MAP3K7CL: variants seen among roughly 807,000 people sequenced by gnomAD.
MAP3K7CL encodes MAP3K7 C-terminal-like protein.
In MAP3K7CL, 16 loss-of-function variants were observed where a neutral mutation model predicts 18.6. The observed-to-expected ratio is 0.86, with a 90% confidence interval of 0.58 to 1.31. The LOEUF (loss-of-function observed/expected upper bound fraction) is 1.31. MAP3K7CL is among the 50% of genes most tolerant of loss of function. The pLI, the probability that MAP3K7CL is intolerant of heterozygous loss-of-function variation, is 0.00. For missense variants in MAP3K7CL, 163 were observed against 174.4 expected (o/e 0.93, Z 0.37); for synonymous variants, 65 against 66.8 (o/e 0.97, Z 0.13).
At position 29,125,171 on chromosome 21, in the gene MAP3K7CL, C is replaced by T. The variant is rs149671270; in HGVS notation, c.371-24018C>T. On this transcript the variant is annotated intron_variant, in intron 4 of 6. Coordinates refer to the MAP3K7CL transcript ENST00000286791. ...CTGTTTTATTTCTGGCATTGTTGCACGTACTTGTATTGCTCTTTTAATTGT... is the reference window on the plus strand; with the variant it reads ...CTGTTTTATTTCTGGCATTGTTGCATGTACTTGTATTGCTCTTTTAATTGT... 3.3e-5 allele frequency among the ~76,000 whole-genome samples: 5 copies of T among 152,260 alleles called. No homozygotes were observed. The East Asian group carries it at 5.8e-4, about 18-fold the overall frequency.
chr21:29,113,707 A>T (rs1005464177), intron 4 of MAP3K7CL, among the ~76,000 whole-genome samples: 1 of 152,114 alleles, frequency 6.6e-6, no homozygotes, highest in East Asian at 1.9e-4. Flanking sequence ...TATTTTTAGT[A>T]GAGATGGGGT....
At chr21:29,147,412 A>C (rs1304304723) in intron 2 of MAP3K7CL, among the ~76,000 whole-genome samples, 2 of 151,862 alleles carry the variant, frequency 1.3e-5, no homozygotes, top group African/African-American at 2.4e-5. Context: ...ATATGTGTAC[A>C]GTATATGTAT....
At chr21:29,108,511 A>G (rs1234333711) in intron 4 of MAP3K7CL, among the ~76,000 whole-genome samples, 2 of 152,216 alleles carry the variant, frequency 1.3e-5, no homozygotes, top group Non-Finnish European at 2.9e-5. Flanking sequence ...ACATTATACC[A>G]GTTGGCATTC....
At chr21:29,166,296 A>T (rs977158973) in intron 4 of MAP3K7CL, among the ~76,000 whole-genome samples, 12 of 152,098 alleles carry the variant, frequency 7.9e-5, no homozygotes, top group Non-Finnish European at 1.8e-4. Context: ...ATTTAACATC[A>T]TGTCCTCCAG....
intron 4 of MAP3K7CL, among the ~76,000 whole-genome samples, chr21:29,104,850 G>T (rs149971202): frequency 2.0e-5 from 3 of 152,254 alleles, no homozygotes; most frequent in East Asian, 3.9e-4. Flanking sequence ...TATCCTTCCT[G>T]CAGTCTTTTC....
At chr21:29,123,055 C>CTTTTTTTTT (rs1166550061) in intron 4 of MAP3K7CL, among the ~76,000 whole-genome samples, 2 of 89,336 alleles carry the variant, frequency 2.2e-5, no homozygotes, top group Admixed American at 1.4e-4. Context: ...AAGAAATGAT[C>CTTTTTTTTT]TTTTTTTTTT....
chr21:29,123,406 T>G (rs556981185), intron 4 of MAP3K7CL, among the ~76,000 whole-genome samples: 6 of 152,120 alleles, frequency 3.9e-5, no homozygotes, highest in African/African-American at 1.4e-4. Flanking sequence ...GAAGTAGTCC[T>G]GCAAAAAAAG....
chr21:29,100,977 G>T (rs2086219149), intron 4 of MAP3K7CL, among the ~76,000 whole-genome samples: 1 of 150,984 alleles, frequency 6.6e-6, no homozygotes, highest in Admixed American at 6.6e-5. Flanking sequence ...CTCCCAAAGT[G>T]CTGGGATTAC....
At chr21:29,153,303 G>A (rs2087321097) in intron 3 of MAP3K7CL, among the ~76,000 whole-genome samples, 1 of 152,182 alleles carries the variant, frequency 6.6e-6, no homozygotes, top group Non-Finnish European at 1.5e-5. Context: ...TATTTGTGCA[G>A]ATTCCTTTCT....
chr21:29,124,226 C>T (rs1213283974), intron 4 of MAP3K7CL, among the ~76,000 whole-genome samples: 2 of 151,756 alleles, frequency 1.3e-5, no homozygotes, highest in Admixed American at 1.3e-4. Context: ...TGGTGGCAGG[C>T]ACCTGTAATC....
chr21:29,152,417 C>T (rs142869360), intron 3 of MAP3K7CL, among the ~76,000 whole-genome samples: 2 of 152,306 alleles, frequency 1.3e-5, no homozygotes, highest in East Asian at 3.9e-4. Flanking sequence ...TAGTCAGTCT[C>T]GTGTGCTTTC....
intron 2 of MAP3K7CL, among the ~76,000 whole-genome samples, chr21:29,141,187 A>G (rs527818351): frequency 6.6e-6 from 1 of 152,230 alleles, no homozygotes; most frequent in Non-Finnish European, 1.5e-5. Flanking sequence ...AATGATAGCT[A>G]CAATAATAGT....
intron 2 of MAP3K7CL, among the ~76,000 whole-genome samples, chr21:29,146,399 A>T (rs1265329635): frequency 2.0e-5 from 3 of 152,236 alleles, no homozygotes; most frequent in Non-Finnish European, 4.4e-5. Flanking sequence ...CAGTTTCACA[A>T]AGCATAGGTT....
intron 4 of MAP3K7CL, among the ~76,000 whole-genome samples, chr21:29,114,442 G>A (rs2086471529): frequency 6.6e-6 from 1 of 151,974 alleles, no homozygotes; most frequent in Non-Finnish European, 1.5e-5. Flanking sequence ...CCAGGCTGGA[G>A]GACAGTGGTG....
upstream of MAP3K7CL, among the ~76,000 whole-genome samples, chr21:29,129,361 C>T (rs1274308698): frequency 6.6e-6 from 1 of 152,174 alleles, no homozygotes. Context: ...TTCCTGAATC[C>T]CTGGCAACCA....
In MAP3K7CL at chr21:29,174,738, A is replaced by G; in HGVS notation, c.275A>G (p.Gln92Arg). 6.2e-7 allele frequency: 1 copy of G among 1,614,170 alleles called. No homozygotes were observed. Among genetic ancestry groups the G allele is most frequent in the South Asian group, 1.1e-5 (1 of 91,084 alleles). Residue 92 changes from glutamine to arginine, a missense_variant, in exon 5 of 5, where the codon CAG (glutamine) becomes CGG (arginine). Physicochemically the swap from Gln to Arg is conservative, Grantham distance 43 (BLOSUM62 1). Transcript: ENST00000399928. ...RKKELIAKLD[Q>R]AEKEKVDAAE... ...AAGGAGCTCATTGCCAAGTTAGATC[A>G]GGCAGAAAAGGAGAAGGTGGATGCT...
At chr21:29,124,334 A>T (rs2086646819) in intron 4 of MAP3K7CL, among the ~76,000 whole-genome samples, 1 of 146,516 alleles carries the variant, frequency 6.8e-6, no homozygotes, top group East Asian at 2.1e-4. Context: ...AGCCCGGGCA[A>T]CAGAGTGAGA....
chr21:29,098,658 G>A (rs1165371524), intron 4 of MAP3K7CL, among the ~76,000 whole-genome samples: 1 of 152,240 alleles, frequency 6.6e-6, no homozygotes, highest in African/African-American at 2.4e-5. Context: ...AGGACTCAGA[G>A]AGGGCAAATA....
chr21:29,099,261 A>ATTTTTTTTTTTTTTTT, intron 4 of MAP3K7CL, among the ~76,000 whole-genome samples: 1 of 83,028 alleles, frequency 1.2e-5, no homozygotes, highest in Non-Finnish European at 2.2e-5. Context: ...CAGCTAATTG[A>ATTTTTTTTTTTTTTTT]TTTTTTTTTT....
Sources: allele counts gnomAD v4.1 joint callset (sites outside exome capture counted in the v4.1 genomes callset), GRCh38; gene constraint gnomAD v4.1.1; transcripts MANE v1.5; gene names NCBI Gene and HGNC (gene_info 2026-07-23, HGNC 2026-07-21).